The following MAGI1 variants were observed in gnomAD, a reference collection of about 807,000 sequenced individuals.
The protein encoded by MAGI1 is membrane associated guanylate kinase, WW and PDZ domain containing 1.
MAGI1 carries 58 observed loss-of-function variants against 139.9 expected under a neutral mutation model. The observed-to-expected ratio is 0.41, with a 90% CI of 0.34 to 0.52. MAGI1 has a LOEUF of 0.52. Among genes scored for constraint, MAGI1 ranks in the 20% least tolerant of loss-of-function variants. MAGI1 has a pLI of 0.12. For synonymous variants in MAGI1, 812 were observed against 737.9 expected (o/e 1.10, Z -1.63); for missense variants, 1,874 against 1,901.6 (o/e 0.99, Z 0.27).
At chr3:65,417,129 G>A (rs879326996) in intron 12 of MAGI1, among the ~76,000 whole-genome samples, 3 of 152,204 alleles carry the variant, frequency 2.0e-5, no homozygotes, top group Admixed American at 2.0e-4. Flanking sequence ...ATAAAGAGAA[G>A]TTCAACAAAG....
chr3:65,362,962 T>G (rs367617951), intron 21 of MAGI1, among the ~76,000 whole-genome samples: 1 of 152,204 alleles, frequency 6.6e-6, no homozygotes. Flanking sequence ...TGAATATTCA[T>G]GCCACAGAGC....
intron 10 of MAGI1, among the ~76,000 whole-genome samples, chr3:65,431,301 C>T (rs1483041704): frequency 1.3e-5 from 2 of 152,126 alleles, no homozygotes; most frequent in East Asian, 3.8e-4. Context: ...TTGGGCCTGG[C>T]TTCCACTTGA....
chr3:65,939,013 A>G (rs1390724097), intron 1 of MAGI1, among the ~76,000 whole-genome samples: 1 of 152,182 alleles, frequency 6.6e-6, no homozygotes, highest in Non-Finnish European at 1.5e-5. Flanking sequence ...CTAGAGTAAA[A>G]CACTAGCACT....
intron 1 of MAGI1, among the ~76,000 whole-genome samples, chr3:65,777,163 A>G (rs1220385124): frequency 1.3e-5 from 2 of 152,216 alleles, no homozygotes; most frequent in African/African-American, 4.8e-5. Context: ...AATTATATTT[A>G]TTAAGGGAAA....
At chr3:65,754,984 C>T (rs1380499840) in intron 1 of MAGI1, among the ~76,000 whole-genome samples, 3 of 150,578 alleles carry the variant, frequency 2.0e-5, no homozygotes, top group African/African-American at 7.4e-5. Context: ...GATGGAATCT[C>T]ACTCTGTCAC....
intron 2 of MAGI1, among the ~76,000 whole-genome samples, chr3:65,545,263 G>A (rs2079440823): frequency 6.6e-6 from 1 of 152,164 alleles, no homozygotes; most frequent in Admixed American, 6.5e-5. Context: ...CAAAGGTGAA[G>A]TGGCATAATG....
At chr3:65,958,280 T>A (rs2064235414) in intron 1 of MAGI1, among the ~76,000 whole-genome samples, 2 of 152,156 alleles carry the variant, frequency 1.3e-5, no homozygotes, top group African/African-American at 4.8e-5. Flanking sequence ...TAAATTTAGC[T>A]CAATATTCTT....
intron 1 of MAGI1, among the ~76,000 whole-genome samples, chr3:65,736,675 GA>G (rs1364865823): frequency 1.2e-4 from 18 of 152,152 alleles, no homozygotes; most frequent in Non-Finnish European, 2.4e-4. Flanking sequence ...AGCTCAAGAA[GA>G]GAGAACAAGT....
intron 1 of MAGI1, among the ~76,000 whole-genome samples, chr3:65,977,274 T>A (rs893423476): frequency 5.9e-5 from 9 of 152,156 alleles, no homozygotes; most frequent in African/African-American, 2.2e-4. Context: ...GTTGTCACTG[T>A]CACCCTCAAC....
chr3:65,523,433 G>C (rs1161405512), intron 2 of MAGI1, among the ~76,000 whole-genome samples: 1 of 151,222 alleles, frequency 6.6e-6, no homozygotes, highest in African/African-American at 2.4e-5. Context: ...CGAAGAGAGG[G>C]AGGCAAGGGG....
chr3:65,746,284 T>C (rs1340834062), intron 1 of MAGI1, among the ~76,000 whole-genome samples: 1 of 152,204 alleles, frequency 6.6e-6, no homozygotes, highest in Non-Finnish European at 1.5e-5. Context: ...TCTGCCTGCC[T>C]TGGCCTTCCA....
chr3:65,949,409 C>A (rs759750204), intron 1 of MAGI1, among the ~76,000 whole-genome samples: 1 of 152,232 alleles, frequency 6.6e-6, no homozygotes, highest in Non-Finnish European at 1.5e-5. Context: ...ACAGAATTCA[C>A]TGACAAATGT....
intron 1 of MAGI1, among the ~76,000 whole-genome samples, chr3:65,870,563 A>G (rs2059903326): frequency 6.6e-6 from 1 of 151,292 alleles, no homozygotes; most frequent in Non-Finnish European, 1.5e-5. Flanking sequence ...GGAAGACAGT[A>G]AGAGAGTCAA....
chr3:65,805,908 A>G (rs1227349672), intron 1 of MAGI1, among the ~76,000 whole-genome samples: 1 of 152,100 alleles, frequency 6.6e-6, no homozygotes, highest in East Asian at 1.9e-4. Flanking sequence ...GGACACAGGG[A>G]GGGGAATAAC....
intron 12 of MAGI1, among the ~76,000 whole-genome samples, chr3:65,409,975 T>C (rs1243118962): frequency 6.6e-6 from 1 of 152,200 alleles, no homozygotes; most frequent in Non-Finnish European, 1.5e-5. Flanking sequence ...AATAAATATG[T>C]CCCAGTAGAA....
At chr3:65,515,743 T>C (rs569221533) in intron 2 of MAGI1, among the ~76,000 whole-genome samples, 66 of 152,324 alleles carry the variant, frequency 4.3e-4, no homozygotes, top group Non-Finnish European at 7.2e-4. Flanking sequence ...CTCTCAGCCA[T>C]CAGAATTGTC....
chr3:65,644,219 T>C (rs1305287624), intron 1 of MAGI1, among the ~76,000 whole-genome samples: 2 of 151,972 alleles, frequency 1.3e-5, no homozygotes, highest in South Asian at 2.1e-4. Flanking sequence ...CATAACATAA[T>C]ATGCAAAATG....
intron 1 of MAGI1, among the ~76,000 whole-genome samples, chr3:65,889,428 A>G (rs1337036930): frequency 1.3e-5 from 2 of 152,226 alleles, no homozygotes; most frequent in African/African-American, 4.8e-5. Context: ...CATTTTCAGT[A>G]CAGAGTCATG....
chr3:65,992,146 A>G (rs2107366367), intron 1 of MAGI1, among the ~76,000 whole-genome samples: 1 of 152,332 alleles, frequency 6.6e-6, no homozygotes, highest in African/African-American at 2.4e-5. Flanking sequence ...TAACCTCACA[A>G]AACCATAACA....
Sources: allele counts gnomAD v4.1 joint callset (sites outside exome capture counted in the v4.1 genomes callset), GRCh38; gene constraint gnomAD v4.1.1; transcripts MANE v1.5; gene names NCBI Gene and HGNC (gene_info 2026-07-23, HGNC 2026-07-21).